The following HEATR4 variants were observed in gnomAD, a reference collection of about 807,000 sequenced individuals.
The protein encoded by HEATR4 is HEAT repeat-containing protein 4.
A neutral mutation model predicts 108.8 loss-of-function variants in HEATR4; 95 were observed. The ratio of observed to expected loss-of-function variants is 0.87; its 90% CI spans 0.74 to 1.04. HEATR4 has a LOEUF of 1.04. Ranked by LOEUF, HEATR4 falls within the 50% of genes least tolerant of loss-of-function variation. The pLI, the probability that HEATR4 is intolerant of heterozygous loss-of-function variation, is 0.00. For synonymous variants in HEATR4, 443 were observed against 459.4 expected (o/e 0.96, Z 0.46); for missense variants, 1,152 against 1,253.8 (o/e 0.92, Z 1.23).
At chr14:73,577,982 C>A in the HEATR4 span, among the ~76,000 whole-genome samples, 1 of 151,802 alleles carries the variant, frequency 6.6e-6, no homozygotes, top group Non-Finnish European at 1.5e-5. Context: ...TCCCAAGTAG[C>A]TGGGAATACA....
intron 6 of HEATR4, among the ~76,000 whole-genome samples, chr14:73,513,518 G>A (rs1887394615): frequency 6.6e-6 from 1 of 151,678 alleles, no homozygotes; most frequent in Non-Finnish European, 1.5e-5. Context: ...CTGAGGTCAG[G>A]AGTTTGAGAC....
At chr14:73,594,780 A>G in the HEATR4 span, among the ~76,000 whole-genome samples, 1 of 152,070 alleles carries the variant, frequency 6.6e-6, no homozygotes, top group African/African-American at 2.4e-5. Context: ...GGCTCACTGC[A>G]ACCTCCGCCT....
chr14:73,612,054 T>C, the HEATR4 span, among the ~76,000 whole-genome samples: 1 of 152,116 alleles, frequency 6.6e-6, no homozygotes, highest in South Asian at 2.1e-4. Context: ...CTTTTTTTTT[T>C]TTTTTAGACG....
chr14:73,523,782 T>C (rs1304845294), intron 2 of HEATR4, among the ~76,000 whole-genome samples: 3 of 152,176 alleles, frequency 2.0e-5, no homozygotes, highest in East Asian at 3.9e-4. Context: ...GCTCCATAAC[T>C]CTTTCTTGAC....
chr14:73,522,668 CGG>C lies in HEATR4; in HGVS notation c.483_484del (p.Arg162ProfsTer34). ...CATGCAGGGATGATGGATGAGAGGG[CGG>C]GGTGCTTCCCGGACGGTGCTGGCTG... On this transcript the variant is annotated frameshift_variant, in exon 3 of 18. Transcript: ENST00000553558. LOFTEE classifies it high-confidence loss of function. 6.2e-7 allele frequency: 1 copy of C among 1,614,170 alleles called. No homozygotes were observed.
At position 73,495,232 on chromosome 14, in the gene HEATR4, A is replaced by G. The variant is rs201577374; in HGVS notation, c.2781T>C (p.Phe927=). The change falls in exon 16 of 18, where the codon TTT becomes TTC. Residue 927 remains phenylalanine (F), a synonymous_variant. Transcript: ENST00000553558. ...LTLQTLLQET[F]QDEMVLPRRP... ...ACTCACCCCTAGGAAACCTACCCTG[A>G]AAAGTTTCTTGGAGTAAAGTCTGGA... The G allele has an allele frequency of 2.2e-5, 36 of 1,613,058 alleles. No homozygotes were observed. The highest frequency in any genetic ancestry group is 2.2e-5 in the East Asian group (1 of 44,856).
intron 16 of HEATR4, among the ~76,000 whole-genome samples, chr14:73,494,609 G>A (rs1432670507): frequency 6.6e-6 from 1 of 152,134 alleles, no homozygotes; most frequent in Non-Finnish European, 1.5e-5. Context: ...GGGGTACAGT[G>A]GTGAGATATT....
chr14:73,517,679 A>AG (rs1158805634), intron 5 of HEATR4, among the ~76,000 whole-genome samples: 29 of 149,816 alleles, frequency 1.9e-4, no homozygotes, highest in African/African-American at 5.7e-4. Flanking sequence ...AAAAAAAAAA[A>AG]AAGAAGAAGA....
chr14:73,538,703 C>T (rs1357879298), intron 1 of HEATR4, among the ~76,000 whole-genome samples: 1 of 111,356 alleles, frequency 9.0e-6, no homozygotes, highest in African/African-American at 2.9e-5. Context: ...ACAGGCCGGA[C>T]GCGGTGGCTA....
chr14:73,557,727 G>A (rs1361058985), intron 1 of HEATR4, among the ~76,000 whole-genome samples: 2 of 63,648 alleles, frequency 3.1e-5, no homozygotes, highest in African/African-American at 1.1e-4. Context: ...GCCTCACTCT[G>A]TCACCCAAGC....
the HEATR4 span, among the ~76,000 whole-genome samples, chr14:73,633,099 G>T: frequency 6.7e-6 from 1 of 149,708 alleles, no homozygotes; most frequent in Admixed American, 6.7e-5. Context: ...CCGCCTCCCG[G>T]TTTCATGCGA....
chr14:73,527,208 G>T (rs903308981), intron 2 of HEATR4: 2 of 151,890 alleles, frequency 1.3e-5, no homozygotes, highest in African/African-American at 4.8e-5. Context: ...AGACTGTAAA[G>T]ACTTGGAATA....
chr14:73,501,569 C>CTTTTTTTT, intron 11 of HEATR4, among the ~76,000 whole-genome samples: 1 of 108,154 alleles, frequency 9.2e-6, no homozygotes, highest in Non-Finnish European at 1.9e-5. Context: ...GTCTCTCTCT[C>CTTTTTTTT]TTTTTTTTTT....
At chr14:73,528,280 A>G (rs1888469129) in intron 2 of HEATR4, among the ~76,000 whole-genome samples, 1 of 151,164 alleles carries the variant, frequency 6.6e-6, no homozygotes, top group Non-Finnish European at 1.5e-5. Flanking sequence ...CCGTAATCCC[A>G]GCTACTCAGG....
intron 17 of HEATR4, among the ~76,000 whole-genome samples, chr14:73,480,024 A>G (rs1253913873): frequency 2.0e-5 from 3 of 152,266 alleles, no homozygotes; most frequent in Non-Finnish European, 2.9e-5. Context: ...GAAGGAACAC[A>G]ATATCTCTTA....
At chr14:73,502,016 AT>A (rs1236328314) in intron 11 of HEATR4, among the ~76,000 whole-genome samples, 1 of 148,716 alleles carries the variant, frequency 6.7e-6, no homozygotes, top group African/African-American at 2.5e-5. Flanking sequence ...AAGTGCTGGG[AT>A]TACAGGAGTG....
chr14:73,509,810 CCA>C (rs1249183191), intron 7 of HEATR4, among the ~76,000 whole-genome samples: 20,652 of 62,764 alleles, frequency 0.33, 7,205 homozygotes, highest in African/African-American at 0.42. Context: ...CCCCATGAGC[CCA>C]TATATATATA....
chr14:73,599,217 C>CT, the HEATR4 span, among the ~76,000 whole-genome samples: 1 of 151,874 alleles, frequency 6.6e-6, no homozygotes, highest in South Asian at 2.1e-4. Flanking sequence ...TCGGTGGAGA[C>CT]TTCACATAAC....
Position 73,533,210 on chromosome 14 carries a change from G to A in HEATR4, c.-151-2966C>T. Among the ~76,000 whole-genome samples, 2 of 113,382 alleles carry A rather than the reference G, an allele frequency of 1.8e-5. 1 individual carries two copies. Among genetic ancestry groups the A allele is most frequent in the Non-Finnish European group, 3.8e-5 (2 of 52,372 alleles). 74.4% of individuals were successfully genotyped at this position (113,382 alleles called of 152,430 possible). A position where few individuals can be genotyped will look rare whatever the true frequency, so the allele number is the denominator to read the frequency against. ...TGTGATCCAGCAATTCTACTTCTGG[G>A]TACATATCCAAAAGAATTGAAAGCA... On this transcript the variant is annotated intron_variant, in intron 1 of 17. Coordinates refer to ENST00000553558, the MANE Select transcript of HEATR4 (RefSeq NM_001220484.1).
Sources: gnomAD v4.1 joint callset for allele counts (sites outside exome capture counted in the v4.1 genomes callset) on GRCh38, gnomAD v4.1.1 for gene constraint, MANE v1.5 for transcripts, NCBI Gene and HGNC (gene_info 2026-07-23, HGNC 2026-07-21) for gene names.